TENM2: variants seen among roughly 807,000 people sequenced by gnomAD.
TENM2 encodes teneurin transmembrane protein 2.
TENM2 carries 52 observed loss-of-function variants against 245.2 expected under a neutral mutation model. That is an observed-to-expected ratio of 0.21 (90% CI 0.17 to 0.27). The LOEUF is 0.27. Among genes scored for constraint, TENM2 ranks in the 10% least tolerant of loss-of-function variants. TENM2 has a pLI of 1.00. For synonymous variants in TENM2, 1,363 were observed against 1,438.9 expected (o/e 0.95, Z 1.19); for missense variants, 3,046 against 3,666.8 (o/e 0.83, Z 4.37).
At chr5:167,939,455 G>A (rs1778994014) in intron 3 of TENM2, among the ~76,000 whole-genome samples, 1 of 152,096 alleles carries the variant, frequency 6.6e-6, no homozygotes, top group Non-Finnish European at 1.5e-5. Context: ...GGGGACCCCT[G>A]CTTTACAACA....
the TENM2 span, among the ~76,000 whole-genome samples, chr5:167,265,473 T>G: frequency 6.6e-6 from 1 of 152,158 alleles, no homozygotes; most frequent in Admixed American, 6.5e-5. Context: ...CAGGTGACGG[T>G]GGCTTCTTAT....
At chr5:167,933,263 A>G (rs573542464) in intron 3 of TENM2, among the ~76,000 whole-genome samples, 4 of 152,370 alleles carry the variant, frequency 2.6e-5, no homozygotes, top group Admixed American at 2.0e-4. Flanking sequence ...TTCTTTGTTA[A>G]CACATGACTT....
At chr5:167,365,184 T>C (rs1305118413) in intron 1 of TENM2, among the ~76,000 whole-genome samples, 1 of 152,046 alleles carries the variant, frequency 6.6e-6, no homozygotes, top group Non-Finnish European at 1.5e-5. Context: ...TACACACTTC[T>C]AAGTAACCTG....
chr5:167,577,395 G>C (rs567096105), intron 2 of TENM2, among the ~76,000 whole-genome samples: 55 of 152,184 alleles, frequency 3.6e-4, no homozygotes, highest in African/African-American at 1.3e-3. Context: ...TCACCTCTTT[G>C]TCAGTTTTCC....
chr5:167,454,452 C>CTGTGTGTG lies in TENM2; in HGVS notation c.502+78996_502+79003dup, dbSNP rs5873036. Among the ~76,000 whole-genome samples, 435 of 150,582 alleles carry CTGTGTGTG rather than the reference C, an allele frequency of 2.9e-3. 1 individual carries two copies. The highest frequency in any genetic ancestry group is 0.01 in the Middle Eastern group (3 of 294). ...AAAAAAATAATGGCACTAGAAATAA[C>CTGTGTGTG]TGTGTGTGTGTGTGTGTGTGTGTGC... is the stretch of plus-strand genomic sequence containing the variant. On this transcript the variant is annotated intron_variant, in intron 2 of 28. Coordinates refer to ENST00000518659, the Ensembl canonical transcript of TENM2.
chr5:167,638,264 T>C (rs1779343730), intron 2 of TENM2, among the ~76,000 whole-genome samples: 1 of 152,126 alleles, frequency 6.6e-6, no homozygotes, highest in African/African-American at 2.4e-5. Flanking sequence ...CATATAATCT[T>C]AGCACTTACC....
chr5:167,952,960 C>T, intron 4 of TENM2, 138 bp downstream of exon 6: 1 of 690,260 alleles, frequency 1.4e-6, no homozygotes, highest in Non-Finnish European at 2.5e-6. Flanking sequence ...TTACCACCTC[C>T]TTGTTCCCTT....
intron 5 of TENM2, among the ~76,000 whole-genome samples, chr5:168,020,742 C>T (rs1786072574): frequency 5.9e-5 from 9 of 152,104 alleles, no homozygotes; most frequent in Admixed American, 4.6e-4. Context: ...GTCTTTGGAC[C>T]CCTTCCAGGC....
At chr5:167,430,211 G>T (rs1483642966) in intron 2 of TENM2, among the ~76,000 whole-genome samples, 1 of 152,146 alleles carries the variant, frequency 6.6e-6, no homozygotes, top group Non-Finnish European at 1.5e-5. Context: ...AATTATGTAT[G>T]TAAAAATCTA....
the TENM2 span, among the ~76,000 whole-genome samples, chr5:166,982,531 A>G: frequency 6.6e-6 from 1 of 152,042 alleles, no homozygotes; most frequent in Admixed American, 6.6e-5. Flanking sequence ...CCCACTTGAG[A>G]ACTAAAACTT....
At chr5:167,925,224 G>C (rs1468943006) in intron 3 of TENM2, among the ~76,000 whole-genome samples, 1 of 152,128 alleles carries the variant, frequency 6.6e-6, no homozygotes, top group Non-Finnish European at 1.5e-5. Context: ...CAACTCAACA[G>C]CATGGATCAA....
chr5:167,343,761 A>T (rs1221764226), intron 1 of TENM2, among the ~76,000 whole-genome samples: 4 of 152,186 alleles, frequency 2.6e-5, no homozygotes, highest in Non-Finnish European at 5.9e-5. Flanking sequence ...TTGCTCTAAG[A>T]TAATTATATT....
chr5:167,586,315 G>A (rs931712663), intron 2 of TENM2, among the ~76,000 whole-genome samples: 1 of 152,180 alleles, frequency 6.6e-6, no homozygotes, highest in African/African-American at 2.4e-5. Context: ...AGGGACTTGA[G>A]CATCTGTGGA....
Position 167,305,654 on chromosome 5 carries a change from G to A in TENM2, c.226+20591G>A, listed in dbSNP as rs138877820. ...AAATACTGTAAGCTATTTGTTTTCC[G>A]TCCTTCACAGAATTGAAAGCATTCA... On this transcript the variant is annotated intron_variant, in intron 1 of 28. Transcript: ENST00000518659. Among the ~76,000 whole-genome samples the A allele has an allele frequency of 2.9e-3, 436 of 152,220 alleles. 5 individuals are homozygous for A. The highest frequency in any genetic ancestry group is 4.0e-3 in the Admixed American group (61 of 15,288).
At chr5:167,993,280 G>A (rs1200110923) in intron 5 of TENM2, 98 bp downstream of exon 7, 1 of 987,516 alleles carries the variant, frequency 1.0e-6, no homozygotes, top group African/African-American at 1.6e-5. Context: ...TGTCTGTACA[G>A]TTTGCTTCTT....
intron 25 of TENM2, 22 bp downstream of exon 27, chr5:168,228,152 G>A: frequency 6.3e-7 from 1 of 1,584,388 alleles, no homozygotes; most frequent in Non-Finnish European, 8.7e-7. Flanking sequence ...CACCCAATCT[G>A]TTACCACAGA....
At chr5:167,537,357 A>T (rs1771922083) in intron 2 of TENM2, among the ~76,000 whole-genome samples, 1 of 152,062 alleles carries the variant, frequency 6.6e-6, no homozygotes, top group Admixed American at 6.5e-5. Context: ...TATAAAGTGT[A>T]TTTATTATAA....
At chr5:167,546,201 C>T (rs534252902) in intron 2 of TENM2, among the ~76,000 whole-genome samples, 5 of 152,314 alleles carry the variant, frequency 3.3e-5, no homozygotes, top group Non-Finnish European at 7.3e-5. Context: ...TGCCATGCTG[C>T]GTGGACCACC....
chr5:167,683,249 C>T (rs1271750892), intron 2 of TENM2, among the ~76,000 whole-genome samples: 4 of 67,360 alleles, frequency 5.9e-5, no homozygotes, highest in African/African-American at 2.8e-4. Context: ...AGGACCATGT[C>T]TTTTTTTTTT....
Sources: allele counts gnomAD v4.1 joint callset (sites outside exome capture counted in the v4.1 genomes callset), GRCh38; gene constraint gnomAD v4.1.1; transcripts MANE v1.5; gene names NCBI Gene and HGNC (gene_info 2026-07-23, HGNC 2026-07-21).